Variants in PDE1C observed in about 807,000 individuals in gnomAD.
The protein encoded by PDE1C is phosphodiesterase 1C.
In PDE1C, 62 loss-of-function variants were observed where a neutral mutation model predicts 93.1. The observed-to-expected ratio is 0.67, with a 90% CI of 0.54 to 0.82. The LOEUF is 0.82. Ranked by LOEUF, PDE1C falls within the 40% of genes least tolerant of loss-of-function variation. The probability of loss-of-function intolerance (pLI) is 0.00; values close to 1 mark genes in which losing one functional copy is unlikely to be tolerated. For synonymous variants in PDE1C, 325 were observed against 310.1 expected, an observed-to-expected ratio of 1.05 and a Z score of -0.50; for missense variants, 742 against 884.6, an observed-to-expected ratio of 0.84 and a Z score of 2.04.
At chr7:32,221,810 G>A (rs746797530) in intron 1 of PDE1C, among the ~76,000 whole-genome samples, 15 of 152,168 alleles carry the variant, frequency 9.9e-5, no homozygotes, top group South Asian at 8.3e-4. Flanking sequence ...TTGATACTGT[G>A]TAAGTGTGAG....
chr7:31,776,952 A>G (rs1295622233), intron 16 of PDE1C, among the ~76,000 whole-genome samples: 2 of 139,614 alleles, frequency 1.4e-5, no homozygotes, highest in Non-Finnish European at 3.0e-5. Context: ...CCTATGTGTC[A>G]ATATAGTCAC....
At chr7:31,911,092 C>A (rs968977) in intron 2 of PDE1C, among the ~76,000 whole-genome samples, 14,907 of 152,096 alleles carry the variant, frequency 0.098, 946 homozygotes, top group Admixed American at 0.21. Flanking sequence ...TACATGCAAA[C>A]TAGTAAATTC....
At chr7:31,717,000 A>G in the PDE1C span, among the ~76,000 whole-genome samples, 1 of 152,232 alleles carries the variant, frequency 6.6e-6, no homozygotes, top group South Asian at 2.1e-4. Context: ...GAGCTCTTGA[A>G]GATATTTCAT....
chr7:31,845,131 G>A (rs925356787), intron 9 of PDE1C, among the ~76,000 whole-genome samples: 3 of 152,046 alleles, frequency 2.0e-5, no homozygotes, highest in Non-Finnish European at 4.4e-5. Flanking sequence ...CACTCCTGTT[G>A]TTTTCTATTA....
At chr7:32,018,573 GA>G (rs1414674555) in intron 2 of PDE1C, among the ~76,000 whole-genome samples, 3 of 152,110 alleles carry the variant, frequency 2.0e-5, no homozygotes, top group African/African-American at 7.2e-5. Flanking sequence ...CAAAAGATCA[GA>G]AATTGTATTG....
intron 7 of PDE1C, 149 bp from the exon 8 acceptor site, chr7:31,850,890 T>A: frequency 1.6e-6 from 1 of 636,568 alleles, no homozygotes; most frequent in Non-Finnish European, 2.9e-6. Context: ...AAATAAGTTA[T>A]TTTCCTGTGA....
chr7:31,647,837 A>C, the PDE1C span, among the ~76,000 whole-genome samples: 2 of 152,164 alleles, frequency 1.3e-5, no homozygotes, highest in South Asian at 4.1e-4. Context: ...AGCAATATAT[A>C]ACACTGCAGA....
chr7:32,355,263 A>T (rs2128083672), intron 1 of PDE1C, among the ~76,000 whole-genome samples: 1 of 152,306 alleles, frequency 6.6e-6, no homozygotes, highest in African/African-American at 2.4e-5. Context: ...TTCTGATTCT[A>T]TGGGAAGGCA....
chr7:32,068,365 T>A (rs1469785682), intron 1 of PDE1C, among the ~76,000 whole-genome samples: 3 of 152,154 alleles, frequency 2.0e-5, no homozygotes, highest in African/African-American at 7.2e-5. Flanking sequence ...TCCAGAGTCT[T>A]TAGCTATTTA....
At chr7:31,817,842 T>C (rs1788456887) in intron 14 of PDE1C, among the ~76,000 whole-genome samples, 1 of 152,198 alleles carries the variant, frequency 6.6e-6, no homozygotes, top group Non-Finnish European at 1.5e-5. Context: ...GATTCACACG[T>C]TCACGAGGCT....
At chr7:32,413,742 T>C (rs1338508732) in intron 1 of PDE1C, among the ~76,000 whole-genome samples, 2 of 152,194 alleles carry the variant, frequency 1.3e-5, no homozygotes, top group African/African-American at 4.8e-5. Context: ...TTGTTACTTC[T>C]GTAAATTATA....
At chr7:31,828,487 A>G (rs1789973165) in intron 11 of PDE1C, 114 bp from the exon 12 acceptor site, 2 of 655,082 alleles carry the variant, frequency 3.1e-6, no homozygotes, top group Non-Finnish European at 2.6e-6. Flanking sequence ...AATTATTACA[A>G]TTACATTATA....
chr7:31,735,908 G>T, the PDE1C span, among the ~76,000 whole-genome samples: 1 of 152,082 alleles, frequency 6.6e-6, no homozygotes, highest in Admixed American at 6.5e-5. Flanking sequence ...TATATAAAGC[G>T]GCATAGTATT....
chr7:32,316,280 G>A (rs1783168802), intron 1 of PDE1C, among the ~76,000 whole-genome samples: 1 of 152,178 alleles, frequency 6.6e-6, no homozygotes, highest in African/African-American at 2.4e-5. Context: ...AGTCAGGAAT[G>A]CACTGTAACT....
chr7:31,846,415 C>T (rs943077162), intron 9 of PDE1C, among the ~76,000 whole-genome samples: 2 of 151,854 alleles, frequency 1.3e-5, no homozygotes, highest in African/African-American at 4.8e-5. Context: ...GTTGGGAAAA[C>T]TGGCTAGCCA....
At chr7:31,750,810 C>CA (rs1407885711), downstream of PDE1C, among the ~76,000 whole-genome samples, 1 of 152,168 alleles carries the variant, frequency 6.6e-6, no homozygotes, top group Non-Finnish European at 1.5e-5. Context: ...CGGCTCACTG[C>CA]AAGCTCTGCC....
chr7:31,697,068 G>C, the PDE1C span: 1 of 1,614,086 alleles, frequency 6.2e-7, no homozygotes, highest in East Asian at 2.2e-5. Context: ...AACAGAAAAA[G>C]CCAAGGAGAA....
chr7:32,020,213 T>C (rs1434780607), intron 2 of PDE1C, among the ~76,000 whole-genome samples: 1 of 152,066 alleles, frequency 6.6e-6, no homozygotes. Context: ...ATCCTAACCC[T>C]TTTGTGCACC....
the PDE1C span, among the ~76,000 whole-genome samples, chr7:31,655,114 T>C: frequency 1.3e-5 from 2 of 152,208 alleles, no homozygotes; most frequent in African/African-American, 4.8e-5. Flanking sequence ...CAGCATTTTT[T>C]ACTGTCCATA....
Sources: allele counts gnomAD v4.1 joint callset (sites outside exome capture counted in the v4.1 genomes callset), GRCh38; gene constraint gnomAD v4.1.1; transcripts MANE v1.5; gene names NCBI Gene and HGNC (gene_info 2026-07-23, HGNC 2026-07-21).